MACROD2: variants seen among roughly 807,000 people sequenced by gnomAD.
MACROD2 encodes mono-ADP ribosylhydrolase 2, also known as ADP-ribose glycohydrolase MACROD2.
MACROD2 carries 36 observed loss-of-function variants against 70.4 expected under a neutral mutation model. The ratio of observed to expected loss-of-function variants is 0.51; its 90% CI spans 0.39 to 0.68. The LOEUF (loss-of-function observed/expected upper bound fraction) is 0.68, where lower values mean the gene tolerates loss of function less well. Ranked by LOEUF, MACROD2 falls within the 30% of genes least tolerant of loss-of-function variation. The pLI is 0.00. For missense variants in MACROD2, 496 were observed against 538.4 expected (o/e 0.92, Z 0.78); for synonymous variants, 172 against 178.8 (o/e 0.96, Z 0.30).
intron 11 of MACROD2, among the ~76,000 whole-genome samples, chr20:15,934,205 G>C (rs1030283398): frequency 5.3e-5 from 8 of 152,172 alleles, no homozygotes; most frequent in Non-Finnish European, 1.0e-4. Context: ...CCTACTGTTT[G>C]CCAAGCACAT....
At position 15,904,752 on chromosome 20, in the gene MACROD2, G is replaced by C. The variant is rs538826185; in HGVS notation, c.775+18941G>C. Among the ~76,000 whole-genome samples the C allele has an allele frequency of 1.6e-3, 241 of 152,046 alleles. 2 individuals carry two copies. The highest frequency in any genetic ancestry group is 5.5e-3 in the African/African-American group (230 of 41,468). ...AAAAATTAGCCGGGCGTGGTGGCTG[G>C]TGCCTGTAGTCCCAGCTACTCGGGA... On this transcript the variant is annotated intron_variant, in intron 10 of 17. Coordinates refer to ENST00000684519, the MANE Select transcript of MACROD2 (RefSeq NM_001351661.2).
chr20:14,282,834 A>G (rs1433942406), intron 3 of MACROD2, among the ~76,000 whole-genome samples: 3 of 152,198 alleles, frequency 2.0e-5, no homozygotes, highest in Non-Finnish European at 4.4e-5. Context: ...AATCACAAAG[A>G]CAGCACCAGG....
intron 5 of MACROD2, among the ~76,000 whole-genome samples, chr20:14,910,474 G>T (rs766912045): frequency 9.9e-5 from 15 of 152,164 alleles, no homozygotes; most frequent in Admixed American, 3.3e-4. Flanking sequence ...AAGAAAAAAA[G>T]AAGTCACCAT....
At chr20:14,766,041 G>A (rs1011118906) in intron 5 of MACROD2, among the ~76,000 whole-genome samples, 1 of 151,996 alleles carries the variant, frequency 6.6e-6, no homozygotes, top group Non-Finnish European at 1.5e-5. Flanking sequence ...ATTGGATTCA[G>A]GATCACACAG....
chr20:14,962,966 G>T (rs2074598186), intron 5 of MACROD2, among the ~76,000 whole-genome samples: 1 of 152,146 alleles, frequency 6.6e-6, no homozygotes, highest in Non-Finnish European at 1.5e-5. Flanking sequence ...GAGAAAGCCT[G>T]TTCGGAGATG....
At chr20:15,402,926 A>C (rs1286227550) in intron 6 of MACROD2, among the ~76,000 whole-genome samples, 3 of 152,058 alleles carry the variant, frequency 2.0e-5, no homozygotes, top group Non-Finnish European at 4.4e-5. Context: ...ATCTGAAGAG[A>C]GGTCCTCTTA....
chr20:15,624,755 A>G (rs2049178571), intron 8 of MACROD2, among the ~76,000 whole-genome samples: 1 of 152,130 alleles, frequency 6.6e-6, no homozygotes, highest in Non-Finnish European at 1.5e-5. Context: ...CTTTACAGAA[A>G]AAGTTTGCTG....
rs184370637 is a variant in MACROD2 at position 15,028,917 on chromosome 20, G to A, written c.419-201023G>A. Reference sequence around the variant, plus strand: ...GAAATGGGCAAGGAAGAACAAGATCGTGAATGGTGAGAGTCATTTCCTTAG... The same window carrying A: ...GAAATGGGCAAGGAAGAACAAGATCATGAATGGTGAGAGTCATTTCCTTAG... On this transcript the variant is annotated intron_variant, in intron 5 of 17. Coordinates refer to ENST00000684519, the MANE Select transcript of MACROD2 (RefSeq NM_001351661.2). Among the ~76,000 whole-genome samples the A allele has an allele frequency of 3.2e-4, 49 of 152,330 alleles. 1 individual carries two copies. Among genetic ancestry groups the A allele is most frequent in the Admixed American group, 2.5e-3 (39 of 15,304 alleles).
At chr20:15,166,715 A>G (rs923927744) in intron 5 of MACROD2, among the ~76,000 whole-genome samples, 4 of 151,986 alleles carry the variant, frequency 2.6e-5, no homozygotes, top group African/African-American at 9.6e-5. Context: ...GTATTTATTT[A>G]GTCTTAAATA....
At chr20:15,606,959 A>ACCATTG (rs2048902217) in intron 8 of MACROD2, among the ~76,000 whole-genome samples, 2 of 149,660 alleles carry the variant, frequency 1.3e-5, no homozygotes, top group South Asian at 4.2e-4. Flanking sequence ...CCAAGATCGC[A>ACCATTG]CCATTGCACT....
At chr20:15,672,845 G>A (rs2049999967) in intron 8 of MACROD2, among the ~76,000 whole-genome samples, 1 of 152,112 alleles carries the variant, frequency 6.6e-6, no homozygotes, top group African/African-American at 2.4e-5. Context: ...CTCACATGTC[G>A]TGGGAGGGGC....
At chr20:16,022,703 A>G (rs538082490) in intron 15 of MACROD2, among the ~76,000 whole-genome samples, 1 of 152,210 alleles carries the variant, frequency 6.6e-6, no homozygotes, top group African/African-American at 2.4e-5. Flanking sequence ...GCAGTTGTCT[A>G]ATCAGCCTCC....
chr20:15,416,476 A>G (rs2046151105), intron 6 of MACROD2, among the ~76,000 whole-genome samples: 1 of 152,206 alleles, frequency 6.6e-6, no homozygotes, highest in African/African-American at 2.4e-5. Flanking sequence ...CATAATCACA[A>G]TTCATTTGTT....
At chr20:15,695,209 T>G (rs1216070884) in intron 8 of MACROD2, among the ~76,000 whole-genome samples, 1 of 152,198 alleles carries the variant, frequency 6.6e-6, no homozygotes, top group Non-Finnish European at 1.5e-5. Flanking sequence ...AGGCTCATTT[T>G]TGGTTCCATA....
intron 4 of MACROD2, among the ~76,000 whole-genome samples, chr20:14,495,270 C>G (rs989202170): frequency 6.6e-6 from 1 of 152,052 alleles, no homozygotes; most frequent in African/African-American, 2.4e-5. Context: ...TCTGTTCTTT[C>G]CTAGTGCATG....
chr20:14,794,612 T>A (rs902902961), intron 5 of MACROD2, among the ~76,000 whole-genome samples: 1 of 152,114 alleles, frequency 6.6e-6, no homozygotes, highest in African/African-American at 2.4e-5. Context: ...ATGTAGAAGA[T>A]GAATTTTGGT....
intron 6 of MACROD2, among the ~76,000 whole-genome samples, chr20:15,282,717 A>G (rs2077456505): frequency 6.6e-6 from 1 of 152,182 alleles, no homozygotes; most frequent in African/African-American, 2.4e-5. Context: ...GAAGTTTCAA[A>G]CTTTCCCACA....
At chr20:15,006,403 G>A (rs550534999) in intron 5 of MACROD2, among the ~76,000 whole-genome samples, 5 of 152,066 alleles carry the variant, frequency 3.3e-5, no homozygotes, top group Non-Finnish European at 7.4e-5. Context: ...ATTATAAAAT[G>A]AGTAGGTTCT....
chr20:15,227,821 C>CTTTTTTTTTT (rs1336974761), intron 5 of MACROD2, among the ~76,000 whole-genome samples: 12 of 13,850 alleles, frequency 8.7e-4, no homozygotes, highest in South Asian at 2.5e-3. Flanking sequence ...AGAATTTCAC[C>CTTTTTTTTTT]TGTTTTTTTT....
Sources: gnomAD v4.1 joint callset for allele counts (sites outside exome capture counted in the v4.1 genomes callset) on GRCh38, gnomAD v4.1.1 for gene constraint, MANE v1.5 for transcripts, NCBI Gene and HGNC (gene_info 2026-07-23, HGNC 2026-07-21) for gene names.